Variants in IFIH1 observed in about 807,000 individuals in gnomAD.
IFIH1 encodes interferon-induced helicase C domain-containing protein 1.
In IFIH1, 125 loss-of-function variants were observed where a neutral mutation model predicts 107.4. That is an observed-to-expected ratio of 1.16 (90% CI 1.01 to 1.35). IFIH1 has a LOEUF of 1.35. Among genes scored for constraint, IFIH1 ranks in the 40% most tolerant of loss-of-function variants. IFIH1 has a pLI of 0.00. For missense variants in IFIH1, 1,333 were observed against 1,213.7 expected (o/e 1.10, Z -1.46); for synonymous variants, 458 against 413.2 (o/e 1.11, Z -1.31).
chr2:162,295,474 A>G (rs1030021945), intron 3 of IFIH1, among the ~76,000 whole-genome samples: 3 of 152,032 alleles, frequency 2.0e-5, no homozygotes, highest in Non-Finnish European at 4.4e-5. Context: ...TTTAAGAGCT[A>G]TAACAGAATT....
intron 13 of IFIH1, among the ~76,000 whole-genome samples, chr2:162,271,071 G>A (rs1691026652): frequency 6.6e-6 from 1 of 152,078 alleles, no homozygotes; most frequent in Non-Finnish European, 1.5e-5. Context: ...AGTGGTATGG[G>A]GGATTTCCTG....
At chr2:162,312,906 C>T (rs1051417988) in intron 1 of IFIH1, among the ~76,000 whole-genome samples, 3 of 152,094 alleles carry the variant, frequency 2.0e-5, no homozygotes, top group African/African-American at 7.2e-5. Context: ...TAAAAAGAAC[C>T]AGTGAGGCAA....
Position 162,318,118 on chromosome 2 carries a change from T to G in IFIH1, c.190A>C (p.Ser64Arg). Residue 64 changes from serine (S) to arginine (R), a missense_variant, in exon 1 of 16, where the codon AGC becomes CGC. Physicochemically the swap from Ser to Arg is moderately radical, Grantham distance 110. Transcript: ENST00000649979. ...TGCCAGACTCCCTTCTCCAAGGTGCTCAGCAGCAGTTCAACTGCCTGCATG... is the reference window on the plus strand; with the variant it reads ...TGCCAGACTCCCTTCTCCAAGGTGCGCAGCAGCAGTTCAACTGCCTGCATG... ...GNMQAVELLL[S>R]TLEKGVWHLG... is the part of the protein sequence containing the mutation. 2 of 1,614,150 alleles carry G rather than the reference T, an allele frequency of 1.2e-6. No homozygotes were observed. The highest frequency in any genetic ancestry group is 1.7e-6 in the Non-Finnish European group (2 of 1,180,022).
intron 13 of IFIH1, among the ~76,000 whole-genome samples, chr2:162,270,384 G>A (rs2105189909): frequency 6.6e-6 from 1 of 152,294 alleles, no homozygotes; most frequent in South Asian, 2.1e-4. Context: ...TCATTCATTA[G>A]TGGTTGTCTG....
At chr2:162,314,022 C>T (rs753502422) in intron 1 of IFIH1, among the ~76,000 whole-genome samples, 3 of 152,128 alleles carry the variant, frequency 2.0e-5, no homozygotes, top group African/African-American at 4.8e-5. Flanking sequence ...GTGTTCTGAA[C>T]TGGCCAGGGA....
chr2:162,312,177 C>T (rs1003055752), intron 1 of IFIH1, among the ~76,000 whole-genome samples: 2 of 152,116 alleles, frequency 1.3e-5, no homozygotes, highest in African/African-American at 4.8e-5. Flanking sequence ...AATTTGTTAA[C>T]ATTTTTGGAA....
intron 5 of IFIH1, among the ~76,000 whole-genome samples, chr2:162,284,754 T>C (rs1050764875): frequency 2.0e-5 from 3 of 151,992 alleles, no homozygotes; most frequent in Non-Finnish European, 2.9e-5. Context: ...ATATTAATTA[T>C]CATATTATCA....
At chr2:162,292,857 G>A (rs140606593) in intron 4 of IFIH1, among the ~76,000 whole-genome samples, 34 of 151,894 alleles carry the variant, frequency 2.2e-4, no homozygotes, top group African/African-American at 8.0e-4. Flanking sequence ...TAACATTTTA[G>A]CTTAGTAGTC....
At chr2:162,301,902 G>A (rs939612121) in intron 3 of IFIH1, among the ~76,000 whole-genome samples, 2 of 152,112 alleles carry the variant, frequency 1.3e-5, no homozygotes, top group African/African-American at 4.8e-5. Flanking sequence ...TCTGAGAACT[G>A]TTCAAATTTT....
intron 3 of IFIH1, 80 bp from the exon 4 acceptor site, chr2:162,293,748 A>G: frequency 1.3e-6 from 1 of 780,020 alleles, no homozygotes; most frequent in Non-Finnish European, 2.1e-6. Context: ...TCTACAGCAC[A>G]CAGTACATAC....
At chr2:162,287,049 T>C (rs1490920345) in intron 5 of IFIH1, among the ~76,000 whole-genome samples, 4 of 151,908 alleles carry the variant, frequency 2.6e-5, no homozygotes, top group African/African-American at 2.4e-5. Context: ...TGCAAGTCTA[T>C]CGGCAAACAA....
At chr2:162,270,698 C>G (rs1454645017) in intron 13 of IFIH1, among the ~76,000 whole-genome samples, 1 of 152,190 alleles carries the variant, frequency 6.6e-6, no homozygotes, top group Non-Finnish European at 1.5e-5. Flanking sequence ...CAAAAAACTA[C>G]TCTTAAAACA....
At chr2:162,271,280 A>T (rs181287026) in intron 13 of IFIH1, among the ~76,000 whole-genome samples, 3 of 152,192 alleles carry the variant, frequency 2.0e-5, no homozygotes, top group African/African-American at 7.2e-5. Context: ...TGCAGCCATA[A>T]AAAAGGATGA....
chr2:162,272,731 TTGGTAGGAAGC>T (rs1208764216), intron 12 of IFIH1, among the ~76,000 whole-genome samples: 1 of 152,150 alleles, frequency 6.6e-6, no homozygotes, highest in Non-Finnish European at 1.5e-5. Context: ...GTCGTCTTTC[TTGGTAGGAAGC>T]TGGGAGGAAT....
chr2:162,304,334 C>T (rs563895690), intron 3 of IFIH1, among the ~76,000 whole-genome samples: 28 of 152,100 alleles, frequency 1.8e-4, no homozygotes, highest in Non-Finnish European at 2.9e-4. Flanking sequence ...TGGTGGCGCA[C>T]GCCCGTGATG....
At chr2:162,276,994 AC>A (rs776647751) in intron 10 of IFIH1, 48 bp from the exon 11 acceptor site, 9 of 1,395,000 alleles carry the variant, frequency 6.5e-6, no homozygotes, top group Non-Finnish European at 8.9e-6. Flanking sequence ...TGATTTAGCC[AC>A]TCCACAATGT....
At chr2:162,279,920 G>A (rs1576225865) in intron 8 of IFIH1, 76 bp downstream of exon 8, 1 of 850,174 alleles carries the variant, frequency 1.2e-6, no homozygotes, top group South Asian at 1.4e-5. Context: ...CAGATGGTCA[G>A]TATAAAATAG....
In IFIH1 at chr2:162,273,898, T is replaced by C; in HGVS notation, c.2351A>G (p.Asn784Ser). The C allele has an allele frequency of 1.2e-6, 2 of 1,609,820 alleles. No individual in the cohort carries two copies. Among genetic ancestry groups the C allele is most frequent in the South Asian group, 2.2e-5 (2 of 90,650 alleles). Residue 784 changes from asparagine to serine, a missense_variant, in exon 12 of 16, where the codon AAT becomes AGT. Physicochemically the swap from Asn to Ser is conservative, Grantham distance 46 (BLOSUM62 1). Coordinates refer to ENST00000649979, the MANE Select transcript of IFIH1 (RefSeq NM_022168.4). ...VISKFRTGKI[N>S]LLIATTVAEE... ...TGCCACTGTGGTAGCGATAAGCAGATTTATTTTTCCAGTGCGAAATTTACT... is the reference window on the plus strand; with the variant it reads ...TGCCACTGTGGTAGCGATAAGCAGACTTATTTTTCCAGTGCGAAATTTACT...
intron 11 of IFIH1, among the ~76,000 whole-genome samples, chr2:162,275,534 G>A (rs760023039): frequency 6.6e-6 from 1 of 152,118 alleles, no homozygotes; most frequent in African/African-American, 2.4e-5. Context: ...ACTTTCTCTG[G>A]CATTAATTTT....
Sources: gnomAD v4.1 joint callset for allele counts (sites outside exome capture counted in the v4.1 genomes callset) on GRCh38, gnomAD v4.1.1 for gene constraint, MANE v1.5 for transcripts, NCBI Gene and HGNC (gene_info 2026-07-23, HGNC 2026-07-21) for gene names.